HDAC9: variants seen among roughly 807,000 people sequenced by gnomAD.
HDAC9 encodes the protein MEF-2 interacting transcription repressor (MITR) protein.
HDAC9 carries 41 observed loss-of-function variants against 139.4 expected under a neutral mutation model. The ratio of observed to expected loss-of-function variants is 0.29; its 90% CI spans 0.23 to 0.38. HDAC9 has a LOEUF of 0.38. HDAC9 is among the 10% of genes least tolerant of loss of function. The pLI is 1.00. For synonymous variants in HDAC9, 517 were observed against 476.2 expected (o/e 1.09, Z -1.12); for missense variants, 1,147 against 1,297.0 (o/e 0.88, Z 1.78).
chr7:18,896,459 C>G (rs1801207754), intron 22 of HDAC9, among the ~76,000 whole-genome samples: 1 of 152,022 alleles, frequency 6.6e-6, no homozygotes, highest in Non-Finnish European at 1.5e-5. Context: ...ATGTCTGGCA[C>G]CACATAACTA....
At chr7:18,296,316 T>C (rs962660039) in intron 1 of HDAC9, among the ~76,000 whole-genome samples, 6 of 152,170 alleles carry the variant, frequency 3.9e-5, no homozygotes, top group Admixed American at 1.3e-4. Flanking sequence ...TAAAACATAC[T>C]TTAAACATTT....
intron 2 of HDAC9, among the ~76,000 whole-genome samples, chr7:18,247,985 G>C (rs1229380112): frequency 6.6e-6 from 1 of 152,102 alleles, no homozygotes; most frequent in Admixed American, 6.5e-5. Flanking sequence ...AAATTTTGAA[G>C]TCATGGGGAG....
chr7:18,319,441 A>G (rs1160597455), intron 1 of HDAC9, among the ~76,000 whole-genome samples: 1 of 152,192 alleles, frequency 6.6e-6, no homozygotes, highest in Non-Finnish European at 1.5e-5. Context: ...GATTTTAAAA[A>G]TCAGATCAAA....
At chr7:18,322,399 A>G (rs1001217636) in intron 1 of HDAC9, among the ~76,000 whole-genome samples, 1 of 152,182 alleles carries the variant, frequency 6.6e-6, no homozygotes, top group African/African-American at 2.4e-5. Context: ...GTGGATTACC[A>G]TATCAGATAT....
intron 25 of HDAC9, among the ~76,000 whole-genome samples, chr7:18,976,955 C>T (rs1047159591): frequency 6.6e-5 from 10 of 152,128 alleles, no homozygotes; most frequent in East Asian, 1.9e-4. Flanking sequence ...TGCACAAATA[C>T]GAACAGTTCT....
At chr7:18,136,453 T>G (rs1442400923) in intron 1 of HDAC9, among the ~76,000 whole-genome samples, 1 of 152,084 alleles carries the variant, frequency 6.6e-6, no homozygotes, top group Non-Finnish European at 1.5e-5. Flanking sequence ...CGTTTAAGTC[T>G]TTAATCCATC....
At chr7:18,611,392 A>G (rs909843603) in intron 6 of HDAC9, among the ~76,000 whole-genome samples, 4 of 152,158 alleles carry the variant, frequency 2.6e-5, no homozygotes, top group African/African-American at 9.6e-5. Flanking sequence ...AGTAGAATAG[A>G]TAACTTTGGT....
intron 22 of HDAC9, among the ~76,000 whole-genome samples, chr7:18,900,613 C>A (rs894066965): frequency 1.3e-5 from 2 of 152,154 alleles, no homozygotes; most frequent in African/African-American, 4.8e-5. Context: ...GACAAGATCC[C>A]ATGGACCCCT....
At chr7:18,107,431 G>T (rs1318520881) in intron 1 of HDAC9, among the ~76,000 whole-genome samples, 1 of 152,124 alleles carries the variant, frequency 6.6e-6, no homozygotes, top group African/African-American at 2.4e-5. Flanking sequence ...CCCTACTGAA[G>T]ATCAGAGATC....
intron 1 of HDAC9, among the ~76,000 whole-genome samples, chr7:18,392,290 GTC>G (rs370169850): frequency 0.051 from 5,070 of 99,308 alleles, 87 homozygotes; most frequent in African/African-American, 0.065. Context: ...CTCTCTCTCT[GTC>G]TCTCTCTCTC....
chr7:18,126,369 G>GT (rs1467902667), intron 1 of HDAC9, among the ~76,000 whole-genome samples: 6 of 152,178 alleles, frequency 3.9e-5, no homozygotes, highest in East Asian at 1.9e-4. Flanking sequence ...TAGAGCACGT[G>GT]TTTTTTCTGA....
intron 1 of HDAC9, among the ~76,000 whole-genome samples, chr7:18,417,249 T>TGTA (rs1425246473): frequency 1.3e-5 from 2 of 148,982 alleles, no homozygotes. Flanking sequence ...TCTCATATAT[T>TGTA]GTAGTTTTCA....
intron 1 of HDAC9, among the ~76,000 whole-genome samples, chr7:18,363,215 G>T (rs1490327096): frequency 6.6e-6 from 1 of 152,052 alleles, no homozygotes; most frequent in Non-Finnish European, 1.5e-5. Context: ...TTTCACCACG[G>T]TAGATTTTCC....
At chr7:18,472,808 A>G (rs1216136724) in intron 1 of HDAC9, among the ~76,000 whole-genome samples, 1 of 152,162 alleles carries the variant, frequency 6.6e-6, no homozygotes. Context: ...ACTTCTTTGT[A>G]TACTTGTTTA....
intron 2 of HDAC9, among the ~76,000 whole-genome samples, chr7:18,538,955 T>A (rs2128606156): frequency 6.6e-6 from 1 of 152,316 alleles, no homozygotes; most frequent in Admixed American, 6.5e-5. Context: ...TATCACATGA[T>A]GAGAGGGCAA....
intron 2 of HDAC9, among the ~76,000 whole-genome samples, chr7:18,545,703 G>C (rs1039588972): frequency 2.6e-5 from 4 of 152,154 alleles, no homozygotes; most frequent in Admixed American, 1.3e-4. Flanking sequence ...TATCCATAAG[G>C]AGATTGAGGG....
At chr7:18,701,358 T>C (rs561566812) in intron 12 of HDAC9, among the ~76,000 whole-genome samples, 61 of 150,080 alleles carry the variant, frequency 4.1e-4, no homozygotes, top group South Asian at 1.0e-3. Flanking sequence ...AAAATTCTCA[T>C]GTCCAATACA....
chr7:18,878,507 C>G (rs965498602), intron 22 of HDAC9, among the ~76,000 whole-genome samples: 2 of 151,842 alleles, frequency 1.3e-5, no homozygotes, highest in Non-Finnish European at 2.9e-5. Context: ...GTTATTTTGA[C>G]AAGTAAATCA....
chr7:18,443,757 T>C (rs1792010501), intron 1 of HDAC9, among the ~76,000 whole-genome samples: 2 of 151,996 alleles, frequency 1.3e-5, no homozygotes, highest in Non-Finnish European at 1.5e-5. Flanking sequence ...TTTTAATTTG[T>C]ACACACACAA....
Sources: allele counts gnomAD v4.1 joint callset (sites outside exome capture counted in the v4.1 genomes callset), GRCh38; gene constraint gnomAD v4.1.1; transcripts MANE v1.5; gene names NCBI Gene and HGNC (gene_info 2026-07-23, HGNC 2026-07-21).